Variants in TYW1B observed in about 807,000 individuals in gnomAD.
The protein encoded by TYW1B is tRNA-yW synthesizing protein 1 homolog B.
A neutral mutation model predicts 86.9 loss-of-function variants in TYW1B; 73 were observed. That is an observed-to-expected ratio of 0.84 (90% CI 0.70 to 1.02). TYW1B has a LOEUF of 1.02. Among genes scored for constraint, TYW1B ranks in the 50% least tolerant of loss-of-function variants. The pLI is 0.00. For missense variants in TYW1B, 637 were observed against 827.4 expected, an observed-to-expected ratio of 0.77 and a Z score of 2.82; for synonymous variants, 248 against 292.8, an observed-to-expected ratio of 0.85 and a Z score of 1.56.
rs185714454 is a variant in TYW1B at position 72,770,072 on chromosome 7, C to T, written c.964+7344G>A. 1.8e-4 allele frequency among the ~76,000 whole-genome samples: 25 copies of T among 140,346 alleles called. No homozygotes were observed. The East Asian group carries it at 5.5e-3, about 31-fold the overall frequency. 92.1% of individuals were successfully genotyped at this position (140,346 alleles called of 152,430 possible). On this transcript the variant is annotated intron_variant, in intron 7 of 13. Transcript: ENST00000620995. ...TGGGTGAGACAGCGAGACTCTGTCTCGAAAAAAAAAAAAACAAAAAAAATG... is the reference window on the plus strand; with the variant it reads ...TGGGTGAGACAGCGAGACTCTGTCTTGAAAAAAAAAAAAACAAAAAAAATG...
At chr7:72,611,990 TTTCC>T (rs1194642004) in intron 13 of TYW1B, among the ~76,000 whole-genome samples, 9 of 152,094 alleles carry the variant, frequency 5.9e-5, no homozygotes, top group African/African-American at 2.2e-4. Context: ...CTTTCTTCTT[TTTCC>T]TTCCTTCTTT....
At position 72,632,367 on chromosome 7, in the gene TYW1B, G is replaced by GTATATGTAATATATATATA. The variant is rs1195035421; in HGVS notation, c.1507-3371_1507-3370insTATATATATATTACATATA. 5.0e-5 allele frequency among the ~76,000 whole-genome samples: 3 copies of GTATATGTAATATATATATA among 60,468 alleles called. No homozygotes were observed. In the South Asian group the frequency reaches 1.4e-3, roughly 29 times the overall value. The allele number at this position is 60,468 out of a possible 152,430, so 39.7% of individuals were successfully genotyped here. ...TATATTATATATATTATATATATAC[G>GTATATGTAATATATATATA]CATATATATTATATATATACGTATA... is the stretch of plus-strand genomic sequence containing the variant. On this transcript the variant is annotated intron_variant, in intron 11 of 13. Transcript: ENST00000620995.
intron 1 of TYW1B, among the ~76,000 whole-genome samples, chr7:72,827,677 C>A (rs1788961752): frequency 1.3e-5 from 2 of 151,900 alleles, no homozygotes; most frequent in Non-Finnish European, 2.9e-5. Flanking sequence ...CAAAGGCTCA[C>A]GGTTAAACTT....
At chr7:72,655,256 G>T (rs1451309998) in intron 11 of TYW1B, among the ~76,000 whole-genome samples, 2 of 152,190 alleles carry the variant, frequency 1.3e-5, no homozygotes, top group African/African-American at 4.8e-5. Flanking sequence ...CCCCACCACT[G>T]ACACCTGCAA....
intron 10 of TYW1B, among the ~76,000 whole-genome samples, chr7:72,708,376 G>T (rs1814661405): frequency 6.6e-6 from 1 of 152,174 alleles, no homozygotes; most frequent in Non-Finnish European, 1.5e-5. Flanking sequence ...ACTTCCTAGT[G>T]TATGTGTAAG....
chr7:72,670,058 G>A (rs1813560751), intron 11 of TYW1B, among the ~76,000 whole-genome samples: 1 of 152,006 alleles, frequency 6.6e-6, no homozygotes, highest in Non-Finnish European at 1.5e-5. Context: ...TTGAGCCCAG[G>A]GGTTCAAGGC....
intron 6 of TYW1B, among the ~76,000 whole-genome samples, chr7:72,785,006 T>C (rs1788104171): frequency 6.6e-6 from 1 of 151,754 alleles, no homozygotes; most frequent in Non-Finnish European, 1.5e-5. Context: ...CAGTCAACTC[T>C]AGGCACACCA....
At chr7:72,701,633 G>A (rs1301577606) in intron 10 of TYW1B, among the ~76,000 whole-genome samples, 1 of 152,080 alleles carries the variant, frequency 6.6e-6, no homozygotes, top group East Asian at 1.9e-4. Flanking sequence ...GTTTGGTTTG[G>A]TTGGTTACTT....
At chr7:72,785,538 TA>T (rs1342987110) in intron 6 of TYW1B, among the ~76,000 whole-genome samples, 7 of 151,722 alleles carry the variant, frequency 4.6e-5, no homozygotes, top group African/African-American at 1.5e-4. Context: ...ATAAGAACTT[TA>T]TAAGGCAGAT....
chr7:72,657,133 A>T (rs1554443772), intron 11 of TYW1B, among the ~76,000 whole-genome samples: 1 of 152,228 alleles, frequency 6.6e-6, no homozygotes, highest in Non-Finnish European at 1.5e-5. Context: ...ACAGATCAAC[A>T]ATACAAAGAT....
intron 11 of TYW1B, among the ~76,000 whole-genome samples, chr7:72,642,589 G>A (rs1232236745): frequency 6.6e-6 from 1 of 152,162 alleles, no homozygotes; most frequent in Non-Finnish European, 1.5e-5. Flanking sequence ...CCATCCAAGA[G>A]AATAGTATTC....
chr7:72,701,322 C>T (rs13237407), intron 10 of TYW1B, among the ~76,000 whole-genome samples: 4 of 152,022 alleles, frequency 2.6e-5, no homozygotes, highest in Non-Finnish European at 4.4e-5. Flanking sequence ...GGAGTGCAGT[C>T]GCATGATCAT....
intron 7 of TYW1B, among the ~76,000 whole-genome samples, chr7:72,762,672 T>C (rs1003070739): frequency 3.9e-5 from 6 of 152,108 alleles, no homozygotes; most frequent in South Asian, 2.1e-4. Flanking sequence ...GTTTTGTTTT[T>C]CTTTTTAGAC....
chr7:72,823,564 G>A (rs1458965173), intron 2 of TYW1B, among the ~76,000 whole-genome samples: 3 of 151,920 alleles, frequency 2.0e-5, no homozygotes, highest in Non-Finnish European at 4.4e-5. Flanking sequence ...AGGTTGCAGT[G>A]AGCCGAGATC....
intron 11 of TYW1B, among the ~76,000 whole-genome samples, chr7:72,654,494 G>A (rs1813150524): frequency 6.6e-6 from 1 of 152,334 alleles, no homozygotes; most frequent in Non-Finnish European, 1.5e-5. Flanking sequence ...TAAATGTAAG[G>A]TGCTATCCTG....
intron 8 of TYW1B, among the ~76,000 whole-genome samples, chr7:72,734,891 CA>C (rs1787172711): frequency 1.3e-5 from 2 of 152,144 alleles, no homozygotes; most frequent in Admixed American, 6.5e-5. Flanking sequence ...CAGAGAAATG[CA>C]AATCAAAACC....
intron 7 of TYW1B, among the ~76,000 whole-genome samples, chr7:72,761,475 C>T (rs1455674475): frequency 1.3e-5 from 2 of 151,674 alleles, no homozygotes; most frequent in African/African-American, 4.8e-5. Context: ...GACATAGTGG[C>T]TCATACGAGG....
intron 3 of TYW1B, among the ~76,000 whole-genome samples, chr7:72,813,860 C>G (rs1788670184): frequency 6.6e-6 from 1 of 151,736 alleles, no homozygotes. Flanking sequence ...GTTAAAAATA[C>G]AAAAATTAGC....
At chr7:72,815,593 G>T in intron 2 of TYW1B, 112 bp from the exon 3 acceptor site, 1 of 967,514 alleles carries the variant, frequency 1.0e-6, no homozygotes, top group South Asian at 1.6e-5. Flanking sequence ...TGTTTTCAGT[G>T]ACTGATATGA....
Sources: allele counts gnomAD v4.1 joint callset (sites outside exome capture counted in the v4.1 genomes callset), GRCh38; gene constraint gnomAD v4.1.1; transcripts MANE v1.5; gene names NCBI Gene and HGNC (gene_info 2026-07-23, HGNC 2026-07-21).